Variants in SLIT2 observed in about 807,000 individuals in gnomAD.
SLIT2 encodes slit homolog 2 protein.
Under a neutral mutation model 185.7 loss-of-function variants are expected in SLIT2, and 41 were observed. The observed-to-expected ratio is 0.22, with a 90% CI of 0.17 to 0.29. SLIT2 has a LOEUF of 0.29. Ranked by LOEUF, SLIT2 falls within the 10% of genes least tolerant of loss-of-function variation. SLIT2 has a pLI of 1.00. For missense variants in SLIT2, 1,571 were observed against 1,909.0 expected, an observed-to-expected ratio of 0.82 and a Z score of 3.30; for synonymous variants, 693 against 680.2, an observed-to-expected ratio of 1.02 and a Z score of -0.29.
intron 4 of SLIT2, among the ~76,000 whole-genome samples, chr4:20,348,740 G>A (rs371274305): frequency 6.6e-6 from 1 of 152,170 alleles, no homozygotes; most frequent in Admixed American, 6.5e-5. Context: ...GTTTGTCAAC[G>A]TCTTGAGTCT....
intron 4 of SLIT2, among the ~76,000 whole-genome samples, chr4:20,423,983 T>C (rs1257290691): frequency 2.6e-5 from 4 of 152,102 alleles, no homozygotes; most frequent in African/African-American, 9.7e-5. Flanking sequence ...TCTTCATTGG[T>C]TTACTTTTAA....
intron 29 of SLIT2, among the ~76,000 whole-genome samples, chr4:20,572,898 T>A (rs1285236397): frequency 6.6e-6 from 1 of 152,206 alleles, no homozygotes; most frequent in Non-Finnish European, 1.5e-5. Flanking sequence ...CCACTTTAAA[T>A]TTTCCATTGT....
chr4:20,273,093 AT>A (rs554635340), intron 4 of SLIT2, among the ~76,000 whole-genome samples: 125 of 152,052 alleles, frequency 8.2e-4, no homozygotes, highest in African/African-American at 2.5e-3. Flanking sequence ...GGAAAACTTA[AT>A]TTTTTTTATT....
rs776594561 is a variant in SLIT2, at chr4:20,549,099, C to T, written c.2460C>T (p.Thr820=). 2.9e-5 allele frequency: 47 copies of T among 1,597,872 alleles called. No homozygotes were observed. The Middle Eastern group carries it at 3.7e-3, about 124-fold the overall frequency. ...YNRLRCIPPR[T]FDGLKSLRLL... ...GTCTGAGATGTATTCCTCCTCGCAC[C>T]TTTGATGGATTAAAGTCTCTTCGAT... Residue 820 remains threonine, a synonymous_variant, in exon 24 of 37, where the codon ACC becomes ACT. Transcript: ENST00000504154.
At chr4:20,477,497 C>T (rs1423621900) in intron 5 of SLIT2, among the ~76,000 whole-genome samples, 3 of 152,106 alleles carry the variant, frequency 2.0e-5, no homozygotes, top group Non-Finnish European at 4.4e-5. Context: ...CCACGCCTAG[C>T]CGAGGTCATG....
chr4:20,480,740 C>A lies in SLIT2; in HGVS notation c.492C>A (p.Ser164Arg). The change falls in exon 6 of 37, where the codon AGC becomes AGA. Residue 164 changes from serine (S) to arginine (R), a missense_variant. Around this residue, in one of 3 missense-constraint regions of SLIT2, gnomAD observed 1,202 missense variants for 1,416.4 expected, o/e 0.85. Coordinates refer to ENST00000504154, the MANE Select transcript of SLIT2 (RefSeq NM_004787.4). ...KNLQLDYNQISCIEDGAFRAL... is the reference protein window; with the variant it reads ...KNLQLDYNQIRCIEDGAFRAL... ...GGCAACTGGATTACAACCAGATCAG[C>A]TGTATTGAAGATGGGGCATTCAGGG... 6.2e-7 allele frequency: 1 copy of A among 1,613,210 alleles called. No homozygotes were observed. The highest frequency in any genetic ancestry group is 2.2e-5 in the East Asian group (1 of 44,858).
chr4:20,397,108 A>G (rs904237969), intron 4 of SLIT2, among the ~76,000 whole-genome samples: 1 of 151,726 alleles, frequency 6.6e-6, no homozygotes, highest in African/African-American at 2.4e-5. Context: ...TAATTCATTT[A>G]TTAGTTAAAC....
intron 33 of SLIT2, among the ~76,000 whole-genome samples, chr4:20,603,971 G>A (rs2322559): frequency 0.58 from 88,357 of 152,098 alleles, 25,857 homozygotes; most frequent in Admixed American, 0.69. Flanking sequence ...ACCTTGGGCA[G>A]ATTGCTTCAT....
intron 4 of SLIT2, among the ~76,000 whole-genome samples, chr4:20,404,682 A>C (rs990238182): frequency 5.3e-5 from 8 of 152,074 alleles, no homozygotes; most frequent in African/African-American, 1.7e-4. Context: ...TAGAATTATT[A>C]GAAATCCTTG....
chr4:20,533,361 G>A (rs887528981), intron 17 of SLIT2: 57 of 557,228 alleles, frequency 1.0e-4, no homozygotes, highest in Middle Eastern at 4.8e-4. Flanking sequence ...CATGAGTCAC[G>A]CTGGCATTTT....
At chr4:20,424,225 C>G (rs1211178816) in intron 4 of SLIT2, among the ~76,000 whole-genome samples, 1 of 152,074 alleles carries the variant, frequency 6.6e-6, no homozygotes, top group African/African-American at 2.4e-5. Flanking sequence ...ATCTGCTTAT[C>G]AATTTCAAAG....
intron 9 of SLIT2, among the ~76,000 whole-genome samples, chr4:20,495,893 A>G (rs1718188270): frequency 6.6e-6 from 1 of 152,188 alleles, no homozygotes; most frequent in Admixed American, 6.5e-5. Flanking sequence ...ATAAGAACAA[A>G]GAACATCACT....
At chr4:20,308,671 G>A (rs1717800113) in intron 4 of SLIT2, among the ~76,000 whole-genome samples, 5 of 151,946 alleles carry the variant, frequency 3.3e-5, no homozygotes, top group Admixed American at 3.3e-4. Context: ...TAGAAGGTAG[G>A]TATTTAGTAA....
intron 11 of SLIT2, among the ~76,000 whole-genome samples, chr4:20,515,410 A>G: frequency 6.6e-6 from 1 of 152,106 alleles, no homozygotes. Context: ...CCCTTTGTAA[A>G]CTATTTTAAT....
intron 18 of SLIT2, among the ~76,000 whole-genome samples, chr4:20,534,294 G>A (rs905591161): frequency 2.0e-5 from 3 of 152,158 alleles, no homozygotes; most frequent in African/African-American, 7.2e-5. Context: ...AGACAGGCTG[G>A]TGATACATCT....
intron 4 of SLIT2, among the ~76,000 whole-genome samples, chr4:20,381,905 A>ATGTATTTGTATAAATACATAATACG (rs1560372739): frequency 1.7e-4 from 22 of 130,102 alleles, no homozygotes; most frequent in African/African-American, 4.7e-4. Flanking sequence ...TACATAATAC[A>ATGTATTTGTATAAATACATAATACG]TATGTATTTG....
chr4:20,495,110 T>C (rs1718117183), intron 9 of SLIT2, among the ~76,000 whole-genome samples: 1 of 152,152 alleles, frequency 6.6e-6, no homozygotes. Context: ...TCCATTTTGA[T>C]AGAGTGGTAG....
chr4:20,490,728 T>A (rs1194090344), intron 8 of SLIT2: 1 of 1,052,568 alleles, frequency 9.5e-7, no homozygotes, highest in Non-Finnish European at 1.4e-6. Context: ...TTTTAAAAAA[T>A]TAAATAATGA....
At chr4:20,573,297 T>A (rs1725777890) in intron 29 of SLIT2, 7 of 702,864 alleles carry the variant, frequency 1.0e-5, no homozygotes, top group Non-Finnish European at 1.8e-5. Flanking sequence ...ATTTTCATTT[T>A]AGTCTCCCTC....
Sources: allele counts gnomAD v4.1 joint callset (sites outside exome capture counted in the v4.1 genomes callset), GRCh38; gene constraint gnomAD v4.1.1; regional missense constraint gnomAD v4.1.1; transcripts MANE v1.5; gene names NCBI Gene and HGNC (gene_info 2026-07-23, HGNC 2026-07-21).